Variants in SIRT1 observed in about 807,000 individuals in gnomAD.
SIRT1 encodes NAD-dependent protein deacetylase sirtuin-1.
In SIRT1, 24 loss-of-function variants were observed where a neutral mutation model predicts 67.9. That is an observed-to-expected ratio of 0.35 (90% confidence interval 0.26 to 0.50). The LOEUF (loss-of-function observed/expected upper bound fraction) is 0.50. Among genes scored for constraint, SIRT1 ranks in the 20% least tolerant of loss-of-function variants. The pLI, the probability that SIRT1 is intolerant of heterozygous loss-of-function variation, is 0.98. For missense variants in SIRT1, 873 were observed against 937.2 expected (o/e 0.93, Z 0.89); for synonymous variants, 378 against 350.7 (o/e 1.08, Z -0.87).
intron 4 of SIRT1, among the ~76,000 whole-genome samples, chr10:67,904,645 A>G (rs1209413631): frequency 6.6e-6 from 1 of 151,934 alleles, no homozygotes; most frequent in Non-Finnish European, 1.5e-5. Flanking sequence ...CAGGAGTTCA[A>G]GACCAGCCTG....
rs570925934 is a variant in SIRT1, at chr10:67,914,915, A to G, written c.1916-1350A>G. Among the ~76,000 whole-genome samples, 13 of 150,350 alleles carry G rather than the reference A, an allele frequency of 8.6e-5. 1 individual carries two copies. The South Asian group carries it at 2.7e-3, about 32-fold the overall frequency. On this transcript the variant is annotated intron_variant, in intron 8 of 8. Coordinates refer to ENST00000212015, the MANE Select transcript of SIRT1 (RefSeq NM_012238.5). ...TTTTTTTTTTAGTTTTTGTAGAAAC[A>G]AGGTCTTGCCACATTGCCCAGGCTG... is the stretch of plus-strand genomic sequence containing the variant.
chr10:67,897,686 T>C (rs1842679482), intron 4 of SIRT1, among the ~76,000 whole-genome samples: 1 of 151,648 alleles, frequency 6.6e-6, no homozygotes, highest in Admixed American at 6.6e-5. Flanking sequence ...TTAGTAGAGA[T>C]GGGGTTTCAT....
At chr10:67,888,036 G>A (rs1314950530) in intron 2 of SIRT1, among the ~76,000 whole-genome samples, 1 of 152,154 alleles carries the variant, frequency 6.6e-6, no homozygotes, top group Non-Finnish European at 1.5e-5. Flanking sequence ...TAGAATATAA[G>A]TTCTACGGGA....
chr10:67,891,459 C>T lies in SIRT1; in HGVS notation c.847C>T (p.Leu283Phe). The change falls in exon 4 of 9, where the codon CTT (leucine) becomes TTT (phenylalanine). Residue 283 changes from leucine to phenylalanine, a missense_variant. Physicochemically the swap from Leu to Phe is conservative, Grantham distance 22. Transcript: ENST00000212015. ...GTCAAGGGATGGTATTTATGCTCGCCTTGCTGTAGACTTCCCAGATCTTCC... is the reference window on the plus strand; with the variant it reads ...GTCAAGGGATGGTATTTATGCTCGCTTTGCTGTAGACTTCCCAGATCTTCC... ...FRSRDGIYAR[L>F]AVDFPDLPDP... 1.2e-6 allele frequency: 2 copies of T among 1,614,102 alleles called. No individual in the cohort carries two copies. Among genetic ancestry groups the T allele is most frequent in the Non-Finnish European group, 1.7e-6 (2 of 1,179,994 alleles).
Position 67,891,029 on chromosome 10 carries a change from C to CA in SIRT1, c.790-359dup, listed in dbSNP as rs11327756. ...TGGGCGACAGTGTGAGACTCTGTCTCAAAAAAAAAAAAAACAAAAAAAAAA... is the reference window on the plus strand; with the variant it reads ...TGGGCGACAGTGTGAGACTCTGTCTCAAAAAAAAAAAAAAACAAAAAAAAAA... On this transcript the variant is annotated intron_variant, in intron 3 of 8. Transcript: ENST00000212015. Among the ~76,000 whole-genome samples, 344 of 100,058 alleles carry CA rather than the reference C, an allele frequency of 3.4e-3. 1 individual carries two copies. The highest frequency in any genetic ancestry group is 9.3e-3 in the South Asian group (32 of 3,448). 65.6% of individuals were successfully genotyped at this position (100,058 alleles called of 152,430 possible).
rs1405977818 is a variant in SIRT1 at position 67,889,104 on chromosome 10, T to C, written c.770T>C (p.Ile257Thr). Reference sequence around the variant, plus strand: ...TTACTGCAAGAGTGCAAAAAAATTATAGTTCTAACTGGAGCTGGGGTATGT... The same window carrying C: ...TTACTGCAAGAGTGCAAAAAAATTACAGTTCTAACTGGAGCTGGGGTATGT... Reference protein sequence around the residue: ...VKLLQECKKIIVLTGAGVSVS... With the variant: ...VKLLQECKKITVLTGAGVSVS... The change falls in exon 3 of 9, where the codon ATA becomes ACA. Residue 257 changes from isoleucine to threonine, a missense_variant. By Grantham distance (89) the Ile-to-Thr change is moderately conservative. This residue lies in a region of SIRT1 where 251 missense variants were observed against 358.8 expected (regional missense o/e 0.70). Transcript: ENST00000212015. The C allele has an allele frequency of 1.9e-6, 3 of 1,601,890 alleles. No homozygotes were observed. The highest frequency in any genetic ancestry group is 1.7e-5 in the Admixed American group (1 of 59,722).
Position 67,884,658 on chromosome 10 carries a change from C to T in SIRT1, c.-64C>T. 8.2e-7 allele frequency: 1 copy of T among 1,223,340 alleles called. No individual in the cohort carries two copies. 75.8% of individuals were successfully genotyped at this position (1,223,340 alleles called of 1,614,324 possible). A position where few individuals can be genotyped will look rare whatever the true frequency, so the allele number is the denominator to read the frequency against. Reference sequence around the variant, plus strand: ...CCCGCAGCCGGAGCCGCGGGGGCGCCAGTGCCGCGCGTCGAGCGGGAGCAG... The same window carrying T: ...CCCGCAGCCGGAGCCGCGGGGGCGCTAGTGCCGCGCGTCGAGCGGGAGCAG... On this transcript the variant is annotated 5_prime_UTR_variant, in exon 1 of 9. Transcript: ENST00000212015.
Position 67,908,111 on chromosome 10 carries a change from G to A in SIRT1, c.1156G>A (p.Asp386Asn). 1 of 1,613,120 alleles carries A rather than the reference G, an allele frequency of 6.2e-7. No individual in the cohort carries two copies. The highest frequency in any genetic ancestry group is 8.5e-7 in the Non-Finnish European group (1 of 1,179,530). ...AGTTGACTGTGAAGCTGTACGAGGA[G>A]ATATTTTTAATCAGGTAATTTGTTG... The part of the protein sequence containing the change: ...YKVDCEAVRG[D>N]IFNQVVPRCP... Residue 386 changes from aspartate to asparagine, a missense_variant, in exon 6 of 9, where the codon GAT becomes AAT. Asp to Asn is a conservative substitution (Grantham distance 23). This residue lies in a region of SIRT1 where 251 missense variants were observed against 358.8 expected (regional missense o/e 0.70). Transcript: ENST00000212015.
chr10:67,890,873 AC>A (rs1443294055), intron 3 of SIRT1, among the ~76,000 whole-genome samples: 1 of 152,008 alleles, frequency 6.6e-6, no homozygotes, highest in Non-Finnish European at 1.5e-5. Context: ...TACTAAAAAT[AC>A]AAAAAATCAG....
chr10:67,890,079 T>G (rs1259725640), intron 3 of SIRT1, among the ~76,000 whole-genome samples: 1 of 151,800 alleles, frequency 6.6e-6, no homozygotes, highest in African/African-American at 2.4e-5. Context: ...TCTCCTGGCC[T>G]GAGTCTTGCT....
chr10:67,887,521 A>C lies in SIRT1; in HGVS notation c.535A>C (p.Arg179=). The C allele has an allele frequency of 6.2e-7, 1 of 1,606,568 alleles. No homozygotes were observed. The highest frequency in any genetic ancestry group is 8.5e-7 in the Non-Finnish European group (1 of 1,173,256). The change falls in exon 2 of 9, where the codon AGG becomes CGG. Residue 179 remains arginine (R), a synonymous_variant. Transcript: ENST00000212015. The part of the protein sequence containing the change: ...SHASSSDWTP[R]PRIGPYTFVQ... The stretch of plus-strand genomic sequence containing the variant: ...TGCAAGCTCTAGTGACTGGACTCCA[A>C]GGCCACGGATAGGTATGGCTCAGAG...
intron 5 of SIRT1, among the ~76,000 whole-genome samples, chr10:67,907,841 T>C (rs1842844426): frequency 6.6e-6 from 1 of 152,198 alleles, no homozygotes; most frequent in Admixed American, 6.5e-5. Flanking sequence ...TGTATAAATA[T>C]ATAAATTCTT....
intron 3 of SIRT1, among the ~76,000 whole-genome samples, chr10:67,891,028 TCAAAAAAAAAAAAAA>T (rs1351029712): frequency 4.7e-5 from 4 of 84,714 alleles, no homozygotes; most frequent in Non-Finnish European, 8.4e-5. Context: ...AGACTCTGTC[TCAAAAAAAAAAAAAA>T]CAAAAAAAAA....
At chr10:67,891,613 C>A in intron 4 of SIRT1, 59 bp downstream of exon 4, 1 of 1,527,178 alleles carries the variant, frequency 6.5e-7, no homozygotes, top group South Asian at 1.2e-5. Flanking sequence ...GTATTTTGTT[C>A]ACATACAGCC....
At chr10:67,903,736 A>G (rs562400502) in intron 4 of SIRT1, among the ~76,000 whole-genome samples, 15 of 152,290 alleles carry the variant, frequency 9.8e-5, no homozygotes, top group South Asian at 4.1e-4. Context: ...TTGGTTGCCT[A>G]TGGCCAATTC....
At chr10:67,899,106 A>C (rs913219882) in intron 4 of SIRT1, among the ~76,000 whole-genome samples, 1 of 152,026 alleles carries the variant, frequency 6.6e-6, no homozygotes, top group African/African-American at 2.4e-5. Flanking sequence ...TTCTTCTTTA[A>C]GCCTTTAAGT....
chr10:67,912,256 G>A (rs1258690594), intron 7 of SIRT1, among the ~76,000 whole-genome samples: 1 of 152,178 alleles, frequency 6.6e-6, no homozygotes, highest in East Asian at 1.9e-4. Flanking sequence ...GTAACCAGGT[G>A]ATAGGAGCAG....
chr10:67,909,661 G>A (rs1297152787), intron 7 of SIRT1, among the ~76,000 whole-genome samples: 2 of 151,748 alleles, frequency 1.3e-5, no homozygotes, highest in Admixed American at 6.6e-5. Flanking sequence ...TGCAACCTCC[G>A]CCTCCCGGGT....
rs1466540364 is a variant in SIRT1 at position 67,887,465 on chromosome 10, G to A, written c.479G>A (p.Cys160Tyr). 6.8e-6 allele frequency: 11 copies of A among 1,613,782 alleles called. No homozygotes were observed. The highest frequency in any genetic ancestry group is 9.3e-6 in the Non-Finnish European group (11 of 1,179,854). The change falls in exon 2 of 9, where the codon TGT becomes TAT. Residue 160 changes from cysteine to tyrosine, a missense_variant. By Grantham distance (194) the Cys-to-Tyr change is radical (BLOSUM62 -2). Around this residue, in one of 3 missense-constraint regions of SIRT1, gnomAD observed 327 missense variants for 283.9 expected, o/e 1.15. Transcript: ENST00000212015. ...DEIITNGFHS[C>Y]ESDEEDRASH... is the part of the protein sequence containing the mutation. The stretch of plus-strand genomic sequence containing the variant: ...ATTATCACTAATGGTTTTCATTCCT[G>A]TGAAAGTGATGAGGAGGATAGAGCC...
Sources: gnomAD v4.1 joint callset for allele counts (sites outside exome capture counted in the v4.1 genomes callset) on GRCh38, gnomAD v4.1.1 for gene constraint, gnomAD v4.1.1 regional missense constraint, MANE v1.5 for transcripts, NCBI Gene and HGNC (gene_info 2026-07-23, HGNC 2026-07-21) for gene names.